ZPBP: variants seen among roughly 807,000 people sequenced by gnomAD.
The protein encoded by ZPBP is zona pellucida-binding protein 1.
In ZPBP, 26 loss-of-function variants were observed where a neutral mutation model predicts 44.8. That is an observed-to-expected ratio of 0.58 (90% CI 0.43 to 0.81). The LOEUF is 0.81. ZPBP is among the 30% of genes least tolerant of loss of function. The pLI is 0.00. For synonymous variants in ZPBP, 174 were observed against 153.2 expected, an observed-to-expected ratio of 1.14 and a Z score of -1.00; for missense variants, 409 against 434.0, an observed-to-expected ratio of 0.94 and a Z score of 0.51.
intron 1 of ZPBP, among the ~76,000 whole-genome samples, chr7:49,923,421 C>T (rs1794106259): frequency 6.6e-6 from 1 of 152,128 alleles, no homozygotes; most frequent in Non-Finnish European, 1.5e-5. Context: ...CTTTAATATG[C>T]TGAATGAAAA....
chr7:49,897,999 A>G (rs1343211673), intron 2 of ZPBP, among the ~76,000 whole-genome samples: 1 of 152,180 alleles, frequency 6.6e-6, no homozygotes, highest in Non-Finnish European at 1.5e-5. Flanking sequence ...ACTGTTTAAC[A>G]AGAACTTAAC....
At chr7:50,064,561 C>T (rs565668937) in intron 3 of ZPBP, among the ~76,000 whole-genome samples, 7 of 152,286 alleles carry the variant, frequency 4.6e-5, no homozygotes, top group South Asian at 2.1e-4. Context: ...GAGACCTACC[C>T]GCAGGCACAC....
At chr7:50,053,646 G>T (rs994164410) in intron 4 of ZPBP, among the ~76,000 whole-genome samples, 1 of 152,156 alleles carries the variant, frequency 6.6e-6, no homozygotes, top group Non-Finnish European at 1.5e-5. Context: ...TGCCTAGAAA[G>T]CTTGTATAAC....
rs769256987 is a variant in ZPBP at position 50,089,592 on chromosome 7, A to G, written c.208+37T>C. The stretch of plus-strand genomic sequence containing the variant: ...CTGATAAATTTAAACAAATGCTAAT[A>G]ACTTTTAAAAATTAGTGAAAATATA... On this transcript the variant is annotated intron_variant, in intron 2 of 7. Coordinates refer to ENST00000046087, the MANE Select transcript of ZPBP (RefSeq NM_007009.3). 4 of 1,454,950 alleles carry G rather than the reference A, an allele frequency of 2.7e-6. No individual in the cohort carries two copies. The South Asian group carries it at 4.7e-5, about 17-fold the overall frequency. The allele number at this position is 1,454,950 out of a possible 1,614,324, so 90.1% of individuals were successfully genotyped here. A position where few individuals can be genotyped will look rare whatever the true frequency, so the allele number is the denominator to read the frequency against.
rs1193171133 is a variant in ZPBP, at chr7:49,901,837, A to AT, written n.412-623dup. 2.1e-5 allele frequency among the ~76,000 whole-genome samples: 3 copies of AT among 142,950 alleles called. No homozygotes were observed. The Admixed American group carries it at 2.3e-4, about 11-fold the overall frequency. The allele number at this position is 142,950 out of a possible 152,430, so 93.8% of individuals were successfully genotyped here. The stretch of plus-strand genomic sequence containing the variant: ...TAGACACATTGATCAATGGAACAGA[A>AT]TAGAGAGCCCAGAAATAGACTCAGA... On this transcript the variant is annotated intron_variant and non_coding_transcript_variant, in intron 1 of 2. Coordinates refer to the ZPBP transcript ENST00000465922.
intron 6 of ZPBP, among the ~76,000 whole-genome samples, chr7:49,987,676 G>A (rs1172882962): frequency 4.0e-5 from 6 of 151,682 alleles, no homozygotes; most frequent in African/African-American, 1.2e-4. Context: ...CTGGCAAACA[G>A]TCTAAATAGT....
intron 2 of ZPBP, among the ~76,000 whole-genome samples, chr7:50,087,851 T>C (rs1044387386): frequency 6.6e-6 from 1 of 152,014 alleles, no homozygotes; most frequent in Non-Finnish European, 1.5e-5. Flanking sequence ...AAGGCGACAA[T>C]ACTCCTAAAA....
intron 1 of ZPBP, among the ~76,000 whole-genome samples, chr7:49,907,251 G>A (rs1202561826): frequency 6.6e-6 from 1 of 152,192 alleles, no homozygotes; most frequent in African/African-American, 2.4e-5. Context: ...CATAATGGCT[G>A]GAGGTGGGAG....
At chr7:50,043,322 C>T (rs1468298412) in intron 4 of ZPBP, among the ~76,000 whole-genome samples, 2 of 152,228 alleles carry the variant, frequency 1.3e-5, no homozygotes, top group Non-Finnish European at 2.9e-5. Flanking sequence ...TCCCACTCCA[C>T]ACTCTATATT....
intron 6 of ZPBP, among the ~76,000 whole-genome samples, chr7:50,013,716 G>A (rs1052100353): frequency 5.3e-5 from 8 of 151,888 alleles, no homozygotes; most frequent in African/African-American, 9.7e-5. Flanking sequence ...AGATGACCCC[G>A]ATATGAAAGA....
At position 50,001,866 on chromosome 7, in the gene ZPBP, A is replaced by G. The variant is rs1194062450; in HGVS notation, c.783+16374T>C. ...AGAGAGCTGCATAGAGTGAGCCCTC[A>G]GAACTGTGAGGGTTATCCTCAAGTA... is the stretch of plus-strand genomic sequence containing the variant. On this transcript the variant is annotated intron_variant, in intron 6 of 7. Transcript: ENST00000046087. 3.3e-5 allele frequency among the ~76,000 whole-genome samples: 5 copies of G among 152,206 alleles called. No individual in the cohort carries two copies. The South Asian group carries it at 6.2e-4, about 19-fold the overall frequency.
At chr7:50,005,799 A>G (rs1798278887) in intron 6 of ZPBP, among the ~76,000 whole-genome samples, 1 of 150,258 alleles carries the variant, frequency 6.7e-6, no homozygotes, top group Non-Finnish European at 1.5e-5. Context: ...TTAAATATAA[A>G]TGAGTTAAAC....
intron 7 of ZPBP, among the ~76,000 whole-genome samples, chr7:49,971,842 C>T (rs1796315687): frequency 6.6e-6 from 1 of 151,566 alleles, no homozygotes; most frequent in Non-Finnish European, 1.5e-5. Flanking sequence ...ATCCAAAATT[C>T]AATAAAATAT....
Sources: allele counts gnomAD v4.1 joint callset (sites outside exome capture counted in the v4.1 genomes callset), GRCh38; gene constraint gnomAD v4.1.1; transcripts MANE v1.5; gene names NCBI Gene and HGNC (gene_info 2026-07-23, HGNC 2026-07-21).